MBD4: variants seen among roughly 807,000 people sequenced by gnomAD.
MBD4 encodes methyl-CpG binding domain 4, DNA glycosylase.
Under a neutral mutation model 60.2 loss-of-function variants are expected in MBD4, and 53 were observed. The ratio of observed to expected loss-of-function variants is 0.88; its 90% confidence interval spans 0.71 to 1.11. The LOEUF is 1.11. MBD4 is among the 50% of genes least tolerant of loss of function. The probability of loss-of-function intolerance (pLI) is 0.00; values close to 1 mark genes in which losing one functional copy is unlikely to be tolerated. For synonymous variants in MBD4, 231 were observed against 229.8 expected (o/e 1.01, Z -0.05); for missense variants, 619 against 674.0 (o/e 0.92, Z 0.90).
Position 129,433,171 on chromosome 3 carries a change from C to A in MBD4, c.1470G>T (p.Trp490Cys). 1 of 1,614,172 alleles carries A rather than the reference C, an allele frequency of 6.2e-7. No individual in the cohort carries two copies. The highest frequency in any genetic ancestry group is 8.5e-7 in the Non-Finnish European group (1 of 1,180,024). Reference sequence around the variant, plus strand: ...GTTTAAGAAGTTCTGACACATCTCTCCAGTCTGCGGTTCTTGCTACCTCAG... The same window carrying A: ...GTTTAAGAAGTTCTGACACATCTCTACAGTCTGCGGTTCTTGCTACCTCAG... ...PSAEVARTAD[W>C]RDVSELLKPL... The change falls in exon 6 of 8, where the codon TGG becomes TGT. Residue 490 changes from tryptophan to cysteine, a missense_variant. Trp to Cys is a radical substitution (Grantham distance 215, BLOSUM62 -2). Transcript: ENST00000429544.
Position 129,433,976 on chromosome 3 carries a change from G to C in MBD4, c.1267C>G (p.Pro423Ala), listed in dbSNP as rs765916875. 1.1e-5 allele frequency: 18 copies of C among 1,614,048 alleles called. No individual in the cohort carries two copies. The East Asian group carries it at 4.0e-4, about 36-fold the overall frequency. ...TTCTTAAAGGCTTTACGTCGTGGGGGGCTAAGAGCTAAACAAACATAGTGC... is the reference window on the plus strand; with the variant it reads ...TTCTTAAAGGCTTTACGTCGTGGGGCGCTAAGAGCTAAACAAACATAGTGC... Reference protein sequence around the residue: ...SSKYNKEALSPPRRKAFKKWT... With the variant: ...SSKYNKEALSAPRRKAFKKWT... The change falls in exon 5 of 8, where the codon CCC becomes GCC. Residue 423 changes from proline to alanine, a missense_variant. By Grantham distance (27) the Pro-to-Ala change is conservative (BLOSUM62 -1). Transcript: ENST00000429544.
In MBD4 at chr3:129,437,316, A is replaced by G; in HGVS notation, c.336-8T>C. Reference sequence around the variant, plus strand: ...AACTTCAGTCCTTGTGGGCTAGAAAATGATATTAAAGGAAACTTACTGCTA... The same window carrying G: ...AACTTCAGTCCTTGTGGGCTAGAAAGTGATATTAAAGGAAACTTACTGCTA... On this transcript the variant is annotated splice_region_variant and splice_polypyrimidine_tract_variant and intron_variant, in intron 2 of 7. Transcript: ENST00000429544. 6.2e-7 allele frequency: 1 copy of G among 1,600,956 alleles called. No individual in the cohort carries two copies.
At position 129,439,888 on chromosome 3, in the gene MBD4, G is replaced by T; in HGVS notation, c.-55C>A. On this transcript the variant is annotated 5_prime_UTR_variant, in exon 1 of 8. Transcript: ENST00000429544. ...CAGCGCCGCAACGCCCAGGGTGTGG[G>T]GCGGAGTAAGATGTGAAACCTCTTC... 8.0e-7 allele frequency: 1 copy of T among 1,251,334 alleles called. No individual in the cohort carries two copies. Among genetic ancestry groups the T allele is most frequent in the South Asian group, 1.2e-5 (1 of 81,214 alleles). The allele number at this position is 1,251,334 out of a possible 1,614,324, so 77.5% of individuals were successfully genotyped here.
At position 129,433,169 on chromosome 3, in the gene MBD4, C is replaced by G. The variant is rs749745357; in HGVS notation, c.1472G>C (p.Arg491Thr). ...SAEVARTADWRDVSELLKPLG... is the reference protein window; with the variant it reads ...SAEVARTADWTDVSELLKPLG... Reference sequence around the variant, plus strand: ...AGGTTTAAGAAGTTCTGACACATCTCTCCAGTCTGCGGTTCTTGCTACCTC... The same window carrying G: ...AGGTTTAAGAAGTTCTGACACATCTGTCCAGTCTGCGGTTCTTGCTACCTC... Residue 491 changes from arginine to threonine, a missense_variant, in exon 6 of 8, where the codon AGA (arginine) becomes ACA (threonine). By Grantham distance (71) the Arg-to-Thr change is moderately conservative. Transcript: ENST00000429544. The G allele has an allele frequency of 6.2e-7, 1 of 1,614,224 alleles. No individual in the cohort carries two copies. Among genetic ancestry groups the G allele is most frequent in the East Asian group, 2.2e-5 (1 of 44,884 alleles).
At chr3:129,431,633 T>G in intron 7 of MBD4, 55 bp from the exon 8 acceptor site, 1 of 1,307,646 alleles carries the variant, frequency 7.6e-7, no homozygotes, top group Non-Finnish European at 1.1e-6. Flanking sequence ...TAGTCAGAAA[T>G]ACATTTTTTA....
rs751717248 is a variant in MBD4 at position 129,437,293 on chromosome 3, C to A, written c.351G>T (p.Lys117Asn). ...TAGCAAGTGAACTTTTGGATCTGAA[C>A]TTCAGTCCTTGTGGGCTAGAAAATG... ...DVYFISPQGL[K>N]FRSKSSLANY... The change falls in exon 3 of 8, where the codon AAG becomes AAT. Residue 117 changes from lysine (K) to asparagine (N), a missense_variant. Transcript: ENST00000429544. The A allele has an allele frequency of 6.2e-7, 1 of 1,606,590 alleles. No individual in the cohort carries two copies. Among genetic ancestry groups the A allele is most frequent in the Non-Finnish European group, 8.5e-7 (1 of 1,179,706 alleles).
chr3:129,435,003 C>G (rs757521067), intron 3 of MBD4, among the ~76,000 whole-genome samples: 10 of 152,116 alleles, frequency 6.6e-5, no homozygotes, highest in Non-Finnish European at 1.5e-4. Flanking sequence ...TGTATAGCAT[C>G]TTTTTCACTT....
rs368132522 is a variant in MBD4, at chr3:129,436,874, A to G, written c.770T>C (p.Phe257Ser). The G allele has an allele frequency of 3.1e-6, 5 of 1,614,186 alleles. No homozygotes were observed. In the South Asian group the frequency reaches 5.5e-5, roughly 18 times the overall value. ...TTCTCTTTTGCTATCACTTTGAACA[A>G]AACCTGAACAGCTCTTCCTACATCC... is the stretch of plus-strand genomic sequence containing the variant. Reference protein sequence around the residue: ...KKGCRKSCSGFVQSDSKRESV... With the variant: ...KKGCRKSCSGSVQSDSKRESV... Residue 257 changes from phenylalanine (F) to serine (S), a missense_variant, in exon 3 of 8, where the codon TTT becomes TCT. Phe to Ser is a radical substitution (Grantham distance 155, BLOSUM62 -2). Transcript: ENST00000429544.
rs1467664991 is a variant in MBD4, at chr3:129,439,769, G to T, written c.65C>A (p.Ser22Tyr). 6.2e-7 allele frequency: 1 copy of T among 1,607,458 alleles called. No homozygotes were observed. Among genetic ancestry groups the T allele is most frequent in the Non-Finnish European group, 8.5e-7 (1 of 1,177,614 alleles). ...GDRGAAPTVT[S>Y]SERLVPDPPN... ...CGGGTCTGGGACTAGGCGCTCACTA[G>T]AGGTGACGGTGGGGGCAGCTCCGCG... Residue 22 changes from serine (S) to tyrosine (Y), a missense_variant, in exon 1 of 8, where the codon TCT (serine) becomes TAT (tyrosine). Coordinates refer to ENST00000429544, the MANE Select transcript of MBD4 (RefSeq NM_001276270.2).
intron 1 of MBD4, among the ~76,000 whole-genome samples, chr3:129,439,415 G>A (rs965890335): frequency 6.6e-6 from 1 of 152,086 alleles, no homozygotes; most frequent in Non-Finnish European, 1.5e-5. Context: ...AAAAAAGTAG[G>A]TAAATCTTAA....
chr3:129,431,356 C>T lies in MBD4; in HGVS notation c.*145G>A, dbSNP rs2072339751. 6.2e-5 allele frequency: 43 copies of T among 696,336 alleles called. 1 individual carries two copies. In the South Asian group the frequency reaches 6.9e-4, roughly 11 times the overall value. The allele number at this position is 696,336 out of a possible 1,614,324, so 43.1% of individuals were successfully genotyped here. ...TTCAGTAGCAAAGATCCACCATTGG[C>T]ACACACATTAAGAAAGCACACACAC... On this transcript the variant is annotated 3_prime_UTR_variant, in exon 8 of 8. Coordinates refer to ENST00000429544, the MANE Select transcript of MBD4 (RefSeq NM_001276270.2).
At position 129,436,895 on chromosome 3, in the gene MBD4, C is replaced by T. The variant is rs768970775; in HGVS notation, c.749G>A (p.Cys250Tyr). ...AACAAAACCTGAACAGCTCTTCCTA[C>T]ATCCTTTTTTAGTTTTCTTAATTGG... ...GIPIKKTKKGCRKSCSGFVQS... is the reference protein window; with the variant it reads ...GIPIKKTKKGYRKSCSGFVQS... Residue 250 changes from cysteine to tyrosine, a missense_variant, in exon 3 of 8, where the codon TGT (cysteine) becomes TAT (tyrosine). Cys to Tyr is a radical substitution (Grantham distance 194). Coordinates refer to ENST00000429544, the MANE Select transcript of MBD4 (RefSeq NM_001276270.2). The T allele has an allele frequency of 2.5e-6, 4 of 1,614,166 alleles. No homozygotes were observed. Among genetic ancestry groups the T allele is most frequent in the Non-Finnish European group, 2.5e-6 (3 of 1,180,028 alleles).
At position 129,436,444 on chromosome 3, in the gene MBD4, T is replaced by G. The variant is rs199597858; in HGVS notation, c.1183+17A>C. 6.2e-7 allele frequency: 1 copy of G among 1,613,656 alleles called. No individual in the cohort carries two copies. Among genetic ancestry groups the G allele is most frequent in the African/African-American group, 1.3e-5 (1 of 74,940 alleles). On this transcript the variant is annotated intron_variant, in intron 3 of 7. Transcript: ENST00000429544. ...ATAGTGCTTGAAAGCACTGGATACCTTGAAATATTTTCTCACCAGTGAAGT... is the reference window on the plus strand; with the variant it reads ...ATAGTGCTTGAAAGCACTGGATACCGTGAAATATTTTCTCACCAGTGAAGT...
intron 6 of MBD4, 122 bp downstream of exon 6, chr3:129,432,976 T>G (rs1379266038): frequency 7.7e-7 from 1 of 1,300,500 alleles, no homozygotes; most frequent in African/African-American, 1.5e-5. Context: ...TTTAAATGCC[T>G]TGGGTGCTTG....
intron 6 of MBD4, among the ~76,000 whole-genome samples, chr3:129,432,894 C>A (rs2072379916): frequency 6.6e-6 from 1 of 152,208 alleles, no homozygotes; most frequent in African/African-American, 2.4e-5. Context: ...TGCCCACATG[C>A]CTGACCCAGT....
intron 3 of MBD4, 97 bp downstream of exon 3, chr3:129,436,364 G>GT: frequency 6.8e-7 from 1 of 1,463,950 alleles, no homozygotes. Context: ...TCTTAACCAT[G>GT]TATGGGCACG....
At chr3:129,431,625 G>A in intron 7 of MBD4, 47 bp from the exon 8 acceptor site, 2 of 1,340,066 alleles carry the variant, frequency 1.5e-6, no homozygotes, top group South Asian at 2.3e-5. Context: ...ATGTAACTTA[G>A]TCAGAAATAC....
At position 129,433,098 on chromosome 3, in the gene MBD4, C is replaced by G. The variant is rs1200179651; in HGVS notation, c.1543G>C (p.Asp515His). 2 of 1,614,020 alleles carry G rather than the reference C, an allele frequency of 1.2e-6. No individual in the cohort carries two copies. The highest frequency in any genetic ancestry group is 1.1e-5 in the South Asian group (1 of 91,086). Residue 515 changes from aspartate to histidine, a missense_variant and splice_region_variant, in exon 6 of 8, where the codon GAT becomes CAT. Asp to His is a moderately conservative substitution (Grantham distance 81). Transcript: ENST00000429544. ...TTCCTTTGGGTGTATAGGAAAATAC[C>G]TGAGAACTTGACAATGGTTTTTGCC... Reference protein sequence around the residue: ...LRAKTIVKFSDEYLTKQWKYP... With the variant: ...LRAKTIVKFSHEYLTKQWKYP...
Position 129,437,023 on chromosome 3 carries a change from A to T in MBD4, c.621T>A (p.Phe207Leu), listed in dbSNP as rs578111412. 2 of 1,614,230 alleles carry T rather than the reference A, an allele frequency of 1.2e-6. No homozygotes were observed. The highest frequency in any genetic ancestry group is 4.5e-5 in the East Asian group (2 of 44,888). Reference protein sequence around the residue: ...ELQESRGLSNFTSTHLLLKED... With the variant: ...ELQESRGLSNLTSTHLLLKED... ...CTTTCAAAAGCAAATGAGTGGAAGTAAAGTTAGAGAGTCCTCTGCTCTCCT... is the reference window on the plus strand; with the variant it reads ...CTTTCAAAAGCAAATGAGTGGAAGTTAAGTTAGAGAGTCCTCTGCTCTCCT... Residue 207 changes from phenylalanine to leucine, a missense_variant, in exon 3 of 8, where the codon TTT (phenylalanine) becomes TTA (leucine). Coordinates refer to ENST00000429544, the MANE Select transcript of MBD4 (RefSeq NM_001276270.2).
Sources: gnomAD v4.1 joint callset for allele counts (sites outside exome capture counted in the v4.1 genomes callset) on GRCh38, gnomAD v4.1.1 for gene constraint, MANE v1.5 for transcripts, NCBI Gene and HGNC (gene_info 2026-07-23, HGNC 2026-07-21) for gene names.